The following EDNRA variants were observed in gnomAD, a reference collection of about 807,000 sequenced individuals.
The protein encoded by EDNRA is endothelin receptor type A.
A neutral mutation model predicts 41.4 loss-of-function variants in EDNRA; 11 were observed. The observed-to-expected ratio is 0.27, with a 90% CI of 0.17 to 0.44. The LOEUF is 0.44. Ranked by LOEUF, EDNRA falls within the 20% of genes least tolerant of loss-of-function variation. The pLI is 1.00. For synonymous variants in EDNRA, 172 were observed against 183.0 expected (o/e 0.94, Z 0.49); for missense variants, 294 against 531.0 (o/e 0.55, Z 4.39).
At chr4:147,527,693 T>TA (rs1288849072) in intron 3 of EDNRA, among the ~76,000 whole-genome samples, 3 of 152,208 alleles carry the variant, frequency 2.0e-5, no homozygotes, top group Non-Finnish European at 4.4e-5. Context: ...TAATAACATG[T>TA]AAAAATCTAT....
Position 147,528,910 on chromosome 4 carries a change from G to C in EDNRA, c.549-3596G>C, listed in dbSNP as rs1392691531. Among the ~76,000 whole-genome samples, 3 of 152,172 alleles carry C rather than the reference G, an allele frequency of 2.0e-5. No homozygotes were observed. In the East Asian group the frequency reaches 5.8e-4, roughly 29 times the overall value. On this transcript the variant is annotated intron_variant, in intron 3 of 7. Transcript: ENST00000651419. ...GGAAGCCACTGGGGGGTTTGGAGCA[G>C]AGGGTGCTATGGTCTGACGTAACAG...
rs1398763032 is a variant in EDNRA at position 147,544,332 on chromosome 4, T to C, written c.*1714T>C. The C allele has an allele frequency of 6.5e-6, 1 of 153,148 alleles. No homozygotes were observed. The highest frequency in any genetic ancestry group is 2.4e-5 in the African/African-American group (1 of 41,444). The allele number at this position is 153,148 out of a possible 1,614,324, so 9.5% of individuals were successfully genotyped here. A position where few individuals can be genotyped will look rare whatever the true frequency, so the allele number is the denominator to read the frequency against. On this transcript the variant is annotated 3_prime_UTR_variant, in exon 8 of 8. Coordinates refer to ENST00000651419, the MANE Select transcript of EDNRA (RefSeq NM_001957.4). ...TATAGGGTTTTGTTTGGTTGGTTGG[T>C]TTGATAAAGCAGTATTTGGGGTCAT...
chr4:147,485,842 C>G lies in EDNRA; in HGVS notation c.161C>G (p.Pro54Arg). The G allele has an allele frequency of 6.2e-7, 1 of 1,614,220 alleles. No homozygotes were observed. The highest frequency in any genetic ancestry group is 8.5e-7 in the Non-Finnish European group (1 of 1,180,032). The change falls in exon 2 of 8, where the codon CCC (proline) becomes CGC (arginine). Residue 54 changes from proline (P) to arginine (R), a missense_variant. By Grantham distance (103) the Pro-to-Arg change is moderately radical. Around this residue, in one of 3 missense-constraint regions of EDNRA, gnomAD observed 90 missense variants for 122.8 expected, o/e 0.73. Coordinates refer to ENST00000651419, the MANE Select transcript of EDNRA (RefSeq NM_001957.4). ...ELSFLVTTHQ[P>R]TNLVLPSNGS... ...AGCTTCCTGGTTACCACTCATCAACCCACTAATTTGGTCCTACCCAGCAAT... is the reference window on the plus strand; with the variant it reads ...AGCTTCCTGGTTACCACTCATCAACGCACTAATTTGGTCCTACCCAGCAAT...
At chr4:147,529,980 C>T (rs1013098466) in intron 3 of EDNRA, among the ~76,000 whole-genome samples, 2 of 152,170 alleles carry the variant, frequency 1.3e-5, no homozygotes, top group Non-Finnish European at 2.9e-5. Context: ...AAGGAGCAGA[C>T]TGATCATGAA....
At chr4:147,494,000 A>T (rs1366077852) in intron 2 of EDNRA, 1 of 152,100 alleles carries the variant, frequency 6.6e-6, no homozygotes, top group Non-Finnish European at 1.5e-5. Context: ...TTTTATTGAC[A>T]CTCTAACTTT....
rs756926719 is a variant in EDNRA, at chr4:147,542,806, C to T, written c.*188C>T. ...CCACCCACAACATCTACGAATCGTA[C>T]TTCTTTAATTGATCTAATTTACATA... On this transcript the variant is annotated 3_prime_UTR_variant, in exon 8 of 8. Transcript: ENST00000651419. 3.1e-6 allele frequency: 2 copies of T among 640,814 alleles called. No individual in the cohort carries two copies. The highest frequency in any genetic ancestry group is 5.1e-6 in the Non-Finnish European group (2 of 393,024). 39.7% of individuals were successfully genotyped at this position (640,814 alleles called of 1,614,324 possible). A position where few individuals can be genotyped will look rare whatever the true frequency, so the allele number is the denominator to read the frequency against.
At chr4:147,521,479 A>C (rs771849097) in intron 3 of EDNRA, among the ~76,000 whole-genome samples, 9 of 152,140 alleles carry the variant, frequency 5.9e-5, no homozygotes, top group Non-Finnish European at 1.2e-4. Context: ...CCACTATATA[A>C]TCTTGAGATC....
At chr4:147,490,535 A>C (rs909410071) in intron 2 of EDNRA, 1 of 152,198 alleles carries the variant, frequency 6.6e-6, no homozygotes. Context: ...AATTTTCAAG[A>C]AAAACAAAAA....
chr4:147,488,681 A>G (rs1232118112), intron 2 of EDNRA: 1 of 152,248 alleles, frequency 6.6e-6, no homozygotes, highest in Non-Finnish European at 1.5e-5. Flanking sequence ...AAAGGCTCAC[A>G]GTATTTAGGA....
chr4:147,530,993 C>T (rs1730719961), intron 3 of EDNRA, among the ~76,000 whole-genome samples: 1 of 152,160 alleles, frequency 6.6e-6, no homozygotes, highest in African/African-American at 2.4e-5. Flanking sequence ...TACCATACCA[C>T]GTCACAGGTC....
At chr4:147,499,514 G>A (rs900134046) in intron 2 of EDNRA, among the ~76,000 whole-genome samples, 10 of 152,212 alleles carry the variant, frequency 6.6e-5, no homozygotes, top group Non-Finnish European at 1.2e-4. Flanking sequence ...CTCGATTTAT[G>A]TTAGTAAACA....
chr4:147,540,412 T>G lies in EDNRA; in HGVS notation c.1070T>G (p.Leu357Trp). The G allele has an allele frequency of 6.2e-7, 1 of 1,613,840 alleles. No individual in the cohort carries two copies. ...CTCATGGATTACATCGGTATTAACT[T>G]GGCAACCATGAATTCATGTATAAAC... The part of the protein sequence containing the change: ...LLLMDYIGIN[L>W]ATMNSCINPI... The change falls in exon 7 of 8, where the codon TTG becomes TGG. Residue 357 changes from leucine (L) to tryptophan (W), a missense_variant. Leu to Trp is a moderately conservative substitution (Grantham distance 61). This residue lies in a region of EDNRA where 185 missense variants were observed against 390.8 expected (regional missense o/e 0.47). Transcript: ENST00000651419.
chr4:147,514,825 T>C (rs1306743507), intron 2 of EDNRA, among the ~76,000 whole-genome samples: 1 of 152,242 alleles, frequency 6.6e-6, no homozygotes. Context: ...CTGCTCCTCC[T>C]GTTCCATTTG....
At chr4:147,505,109 A>C (rs937625577) in intron 2 of EDNRA, among the ~76,000 whole-genome samples, 17 of 151,652 alleles carry the variant, frequency 1.1e-4, no homozygotes, top group Non-Finnish European at 2.5e-4. Context: ...ACAGATAGGC[A>C]CATGAAAAGA....
chr4:147,525,061 T>C (rs1414378365), intron 3 of EDNRA, among the ~76,000 whole-genome samples: 1 of 152,230 alleles, frequency 6.6e-6, no homozygotes, highest in Non-Finnish European at 1.5e-5. Flanking sequence ...TTACACAGTA[T>C]TTTAAAAACA....
At chr4:147,513,371 G>T (rs1729991040) in intron 2 of EDNRA, among the ~76,000 whole-genome samples, 1 of 152,234 alleles carries the variant, frequency 6.6e-6, no homozygotes. Context: ...TAGCTTTTAT[G>T]ACATTTGTAT....
At chr4:147,504,946 G>A (rs111809098) in intron 2 of EDNRA, among the ~76,000 whole-genome samples, 1,639 of 82,566 alleles carry the variant, frequency 0.02, 45 homozygotes, top group African/African-American at 0.098. Flanking sequence ...CAACAAAGTG[G>A]GACCCTGTCT....
intron 2 of EDNRA, among the ~76,000 whole-genome samples, chr4:147,502,829 G>A (rs1729560768): frequency 6.8e-6 from 1 of 146,552 alleles, no homozygotes; most frequent in South Asian, 2.2e-4. Flanking sequence ...GATAGAATGG[G>A]AGGTATCTCT....
At chr4:147,517,640 A>C (rs1336159954) in intron 2 of EDNRA, among the ~76,000 whole-genome samples, 2 of 152,166 alleles carry the variant, frequency 1.3e-5, no homozygotes, top group Non-Finnish European at 2.9e-5. Flanking sequence ...AATTCCCAAG[A>C]AGAATCAATG....
Sources: gnomAD v4.1 joint callset for allele counts (sites outside exome capture counted in the v4.1 genomes callset) on GRCh38, gnomAD v4.1.1 for gene constraint, gnomAD v4.1.1 regional missense constraint, MANE v1.5 for transcripts, NCBI Gene and HGNC (gene_info 2026-07-23, HGNC 2026-07-21) for gene names.